Variants in HDAC4 observed in about 807,000 individuals in gnomAD.
HDAC4 encodes the protein histone deacetylase A.
A neutral mutation model predicts 135.1 loss-of-function variants in HDAC4; 16 were observed. The observed-to-expected ratio is 0.12, with a 90% CI of 0.08 to 0.18. The LOEUF (loss-of-function observed/expected upper bound fraction) is 0.18, where lower values mean the gene tolerates loss of function less well. HDAC4 is among the 10% of genes least tolerant of loss of function. The pLI is 1.00. For missense variants in HDAC4, 1,143 were observed against 1,511.8 expected, an observed-to-expected ratio of 0.76 and a Z score of 4.05; for synonymous variants, 685 against 653.4, an observed-to-expected ratio of 1.05 and a Z score of -0.74.
chr2:239,224,781 G>A (rs1024357661), intron 3 of HDAC4, among the ~76,000 whole-genome samples: 1 of 152,194 alleles, frequency 6.6e-6, no homozygotes, highest in Non-Finnish European at 1.5e-5. Flanking sequence ...TGAGTTGAAC[G>A]CAGAAATCCA....
At chr2:239,184,629 TG>T (rs146510648) in intron 4 of HDAC4, among the ~76,000 whole-genome samples, 4,896 of 33,510 alleles carry the variant, frequency 0.15, 210 homozygotes, top group East Asian at 0.22. Context: ...TGCCCTATGA[TG>T]GGGGGTCCCT....
At chr2:239,392,111 G>A (rs1696263006) in intron 1 of HDAC4, among the ~76,000 whole-genome samples, 1 of 152,230 alleles carries the variant, frequency 6.6e-6, no homozygotes, top group African/African-American at 2.4e-5. Flanking sequence ...GGGTGGGATG[G>A]CCCAGCCCGG....
At chr2:239,121,000 CTTT>C (rs34226161) in intron 12 of HDAC4, among the ~76,000 whole-genome samples, 137 of 144,700 alleles carry the variant, frequency 9.5e-4, no homozygotes, top group Non-Finnish European at 9.2e-4. Flanking sequence ...CTTTAAATTT[CTTT>C]TTTTTTTTTT....
intron 17 of HDAC4, among the ~76,000 whole-genome samples, chr2:239,092,344 G>A (rs1230312259): frequency 6.6e-6 from 1 of 152,214 alleles, no homozygotes; most frequent in East Asian, 1.9e-4. Flanking sequence ...GCAGAGGCGG[G>A]GTCCCAGACA....
At chr2:239,204,217 C>T (rs902415049) in intron 3 of HDAC4, among the ~76,000 whole-genome samples, 8 of 152,184 alleles carry the variant, frequency 5.3e-5, no homozygotes, top group East Asian at 1.9e-4. Context: ...GGCCGTGTCC[C>T]GGCGTCCCCA....
chr2:239,198,262 A>G (rs1419869826), intron 3 of HDAC4, among the ~76,000 whole-genome samples: 1 of 152,176 alleles, frequency 6.6e-6, no homozygotes, highest in Non-Finnish European at 1.5e-5. Flanking sequence ...TGGAGGCACG[A>G]AAACCACCTG....
intron 2 of HDAC4, among the ~76,000 whole-genome samples, chr2:239,297,944 A>G (rs1432467212): frequency 6.6e-6 from 1 of 152,138 alleles, no homozygotes. Context: ...AAGTCAAATC[A>G]TTATTCCCGG....
intron 2 of HDAC4, among the ~76,000 whole-genome samples, chr2:239,237,090 C>T (rs1465034865): frequency 1.3e-5 from 2 of 152,276 alleles, no homozygotes; most frequent in East Asian, 1.9e-4. Flanking sequence ...CCTCGGAACC[C>T]GCCAGGTGTG....
intron 1 of HDAC4, among the ~76,000 whole-genome samples, chr2:239,371,304 C>T (rs1041325047): frequency 6.6e-6 from 1 of 152,196 alleles, no homozygotes; most frequent in Admixed American, 6.5e-5. Flanking sequence ...CACTCACACA[C>T]ACTCTCACAT....
chr2:239,400,628 T>TGCGCGGG lies in HDAC4; in HGVS notation c.-220+343_-220+349dup, dbSNP rs1206353266. The stretch of plus-strand genomic sequence containing the variant: ...GCCGCGGGCTCCAAGGCCTGCAGGC[T>TGCGCGGG]GCGCGGGGCGCGGGGCGGGCGGCGG... On this transcript the variant is annotated intron_variant, in intron 1 of 26. Transcript: ENST00000543185. This position sits in a 1 kb window ranked among gnomAD's most constrained non-coding sequence, Gnocchi z 4.7. 1.3e-4 allele frequency: 19 copies of TGCGCGGG among 143,820 alleles called. No homozygotes were observed. Among genetic ancestry groups the TGCGCGGG allele is most frequent in the South Asian group, 4.1e-4 (2 of 4,860 alleles). 8.9% of individuals were successfully genotyped at this position (143,820 alleles called of 1,614,324 possible).
chr2:239,130,193 T>C (rs573010072), intron 11 of HDAC4, among the ~76,000 whole-genome samples: 2 of 152,220 alleles, frequency 1.3e-5, no homozygotes, highest in South Asian at 2.1e-4. Flanking sequence ...CTGGATTCGC[T>C]TGGACCAATC....
intron 2 of HDAC4, among the ~76,000 whole-genome samples, chr2:239,271,711 A>T (rs1471854140): frequency 6.6e-6 from 1 of 152,216 alleles, no homozygotes; most frequent in African/African-American, 2.4e-5. Flanking sequence ...GACCCCGAAG[A>T]CAGGTTGCCC....
At chr2:239,292,096 C>A (rs779953767) in intron 2 of HDAC4, among the ~76,000 whole-genome samples, 2 of 152,172 alleles carry the variant, frequency 1.3e-5, no homozygotes, top group Non-Finnish European at 2.9e-5. Flanking sequence ...CAGCTCAGGA[C>A]GGCCACGCCA....
intron 7 of HDAC4, among the ~76,000 whole-genome samples, chr2:239,154,185 C>A (rs981864352): frequency 6.6e-6 from 1 of 152,012 alleles, no homozygotes; most frequent in African/African-American, 2.4e-5. Flanking sequence ...GGTGGAAAGG[C>A]TCCAAATGGG....
Position 239,303,572 on chromosome 2 carries a change from C to T in HDAC4, c.22+49106G>A, listed in dbSNP as rs1266478462. ...AATCCTCTCATCAATGTTACGTTGT[C>T]AGCTTTCTCTGTTTTCTTTCTTTCT... is the stretch of plus-strand genomic sequence containing the variant. On this transcript the variant is annotated intron_variant, in intron 2 of 26. Transcript: ENST00000543185. This position sits in a 1 kb window ranked among gnomAD's most constrained non-coding sequence, Gnocchi z 5.1. Among the ~76,000 whole-genome samples the T allele has an allele frequency of 2.6e-5, 4 of 152,142 alleles. No homozygotes were observed. The highest frequency in any genetic ancestry group is 5.9e-5 in the Non-Finnish European group (4 of 68,016).
At chr2:239,356,084 T>G (rs1195607721) in intron 1 of HDAC4, among the ~76,000 whole-genome samples, 9 of 152,218 alleles carry the variant, frequency 5.9e-5, no homozygotes, top group Non-Finnish European at 8.8e-5. Context: ...TTCAAAACTA[T>G]GCTATTTCAT....
Position 239,285,317 on chromosome 2 carries a change from GCCC to G in HDAC4, c.23-48656_23-48654del, listed in dbSNP as rs1417274429. ...GGAGTGGAGAACGCGCCGCGGCTGG[GCCC>G]CCAAGTTCGCGGCTGTGCAGCGTGG... On this transcript the variant is annotated intron_variant, in intron 2 of 26. Transcript: ENST00000543185. The surrounding 1 kb of genome is among the most constrained non-coding windows in gnomAD (Gnocchi z 4.5). Among the ~76,000 whole-genome samples, 3 of 152,226 alleles carry G rather than the reference GCCC, an allele frequency of 2.0e-5. No homozygotes were observed. The East Asian group carries it at 5.8e-4, about 29-fold the overall frequency.
intron 20 of HDAC4, among the ~76,000 whole-genome samples, chr2:239,083,200 C>A (rs2035526353): frequency 6.6e-6 from 1 of 152,272 alleles, no homozygotes; most frequent in Non-Finnish European, 1.5e-5. Context: ...CACACAGGGT[C>A]TACGCAGCCT....
At chr2:239,253,518 A>G (rs1176752050) in intron 2 of HDAC4, among the ~76,000 whole-genome samples, 2 of 152,188 alleles carry the variant, frequency 1.3e-5, no homozygotes, top group Admixed American at 6.5e-5. Context: ...GTAAAAGCCA[A>G]TTTTACACTT....
Sources: allele counts gnomAD v4.1 joint callset (sites outside exome capture counted in the v4.1 genomes callset), GRCh38; gene constraint gnomAD v4.1.1; non-coding constraint Gnocchi (gnomAD v3.1); transcripts MANE v1.5; gene names NCBI Gene and HGNC (gene_info 2026-07-23, HGNC 2026-07-21).